HEATR1: variants seen among roughly 807,000 people sequenced by gnomAD.
HEATR1 encodes HEAT repeat-containing protein 1.
In HEATR1, 77 loss-of-function variants were observed where a neutral mutation model predicts 248.2. The ratio of observed to expected loss-of-function variants is 0.31; its 90% CI spans 0.26 to 0.37. The LOEUF (loss-of-function observed/expected upper bound fraction) is 0.37. Among genes scored for constraint, HEATR1 ranks in the 10% least tolerant of loss-of-function variants. The pLI is 1.00. For synonymous variants in HEATR1, 897 were observed against 923.1 expected, an observed-to-expected ratio of 0.97 and a Z score of 0.51; for missense variants, 2,420 against 2,504.9, an observed-to-expected ratio of 0.97 and a Z score of 0.72.
chr1:236,598,976 C>G (rs1229329691), intron 4 of HEATR1, among the ~76,000 whole-genome samples: 1 of 152,230 alleles, frequency 6.6e-6, no homozygotes, highest in African/African-American at 2.4e-5. Flanking sequence ...TTTTCTTAGT[C>G]TGTAAATTAA....
chr1:236,577,019 AC>A (rs1663580005), intron 20 of HEATR1, 70 bp from the exon 21 acceptor site: 12 of 1,182,774 alleles, frequency 1.0e-5, no homozygotes, highest in African/African-American at 3.1e-5. Flanking sequence ...TTTACATAGT[AC>A]CAAAGGTACT....
At chr1:236,552,486 T>A (rs1386915445) in intron 43 of HEATR1, 3 of 162,664 alleles carry the variant, frequency 1.8e-5, no homozygotes, top group Non-Finnish European at 2.7e-5. Context: ...ATAAAGTGCC[T>A]CCAGCCACCT....
chr1:236,582,577 AT>A (rs1241831557), intron 19 of HEATR1, among the ~76,000 whole-genome samples, 158 bp downstream of exon 19: 2 of 151,262 alleles, frequency 1.3e-5, no homozygotes, highest in Non-Finnish European at 2.9e-5. Flanking sequence ...TAATTTTTGT[AT>A]TTTTAGTAGA....
Position 236,594,087 on chromosome 1 carries a change from T to C in HEATR1, c.1118A>G (p.Gln373Arg). 6.2e-7 allele frequency: 1 copy of C among 1,601,538 alleles called. No homozygotes were observed. Residue 373 changes from glutamine to arginine, a missense_variant, in exon 9 of 45, where the codon CAA (glutamine) becomes CGA (arginine). Coordinates refer to ENST00000366582, the MANE Select transcript of HEATR1 (RefSeq NM_018072.6). ...TGEETEGMDG[Q>R]IYKRHLEAIL... Reference sequence around the variant, plus strand: ...AGCTTCTAAGTGTCTCTTGTAGATTTGACCATCCATTCCTTCAGTTTCTTC... The same window carrying C: ...AGCTTCTAAGTGTCTCTTGTAGATTCGACCATCCATTCCTTCAGTTTCTTC...
intron 16 of HEATR1, 101 bp from the exon 17 acceptor site, chr1:236,585,317 G>T: frequency 1.1e-6 from 1 of 923,172 alleles, no homozygotes; most frequent in Non-Finnish European, 1.6e-6. Flanking sequence ...TACATTTAAA[G>T]TGAGATGACA....
At chr1:236,560,160 A>C (rs1663089468) in intron 33 of HEATR1, among the ~76,000 whole-genome samples, 1 of 150,380 alleles carries the variant, frequency 6.6e-6, no homozygotes. Flanking sequence ...TGGGCTGTCC[A>C]AGTGGGGTGT....
chr1:236,583,645 C>T (rs970888573), intron 17 of HEATR1, among the ~76,000 whole-genome samples: 1 of 152,042 alleles, frequency 6.6e-6, no homozygotes, highest in Non-Finnish European at 1.5e-5. Flanking sequence ...CGCCATCATG[C>T]CTGGCTAATT....
intron 26 of HEATR1, 73 bp downstream of exon 26, chr1:236,572,338 A>G: frequency 2.1e-6 from 3 of 1,452,872 alleles, no homozygotes; most frequent in South Asian, 2.4e-5. Flanking sequence ...AGTATGTTGA[A>G]AAGAGAATGT....
intron 3 of HEATR1, among the ~76,000 whole-genome samples, chr1:236,600,140 T>A (rs1318408866): frequency 2.2e-5 from 3 of 134,636 alleles, no homozygotes; most frequent in Non-Finnish European, 4.7e-5. Context: ...TTTTTTTTTT[T>A]TTTTTTTGAG....
chr1:236,587,806 C>T (rs1663934729), intron 13 of HEATR1, 142 bp downstream of exon 13: 3 of 556,682 alleles, frequency 5.4e-6, no homozygotes, highest in South Asian at 6.1e-5. Flanking sequence ...CCTAACCAGA[C>T]TTAAGTCTGT....
Position 236,554,287 on chromosome 1 carries a change from G to A in HEATR1, c.6078+311C>T, listed in dbSNP as rs1662874381. Reference sequence around the variant, plus strand: ...GGCGCCTGTGATCCCAGCTATTCGGGAGGCTGAGGCACAAGAATTGCTTGA... The same window carrying A: ...GGCGCCTGTGATCCCAGCTATTCGGAAGGCTGAGGCACAAGAATTGCTTGA... On this transcript the variant is annotated intron_variant, in intron 42 of 44. Transcript: ENST00000366582. Among the ~76,000 whole-genome samples the A allele has an allele frequency of 2.6e-5, 4 of 152,244 alleles. No homozygotes were observed. The South Asian group carries it at 8.3e-4, about 32-fold the overall frequency.
rs1662594668 is a variant in HEATR1 at position 236,549,161 on chromosome 1, A to C, written c.*1741T>G. ...TCTGTTTTGTTCCCATGAAATCACC[A>C]ATCAAGGCCTCCGTTCTTCTAAAGA... On this transcript the variant is annotated 3_prime_UTR_variant, in exon 45 of 45. Transcript: ENST00000366582. The C allele has an allele frequency of 2.5e-6, 1 of 395,702 alleles. No individual in the cohort carries two copies. Among genetic ancestry groups the C allele is most frequent in the African/African-American group, 2.1e-5 (1 of 48,718 alleles). 24.5% of individuals were successfully genotyped at this position (395,702 alleles called of 1,614,324 possible). A position where few individuals can be genotyped will look rare whatever the true frequency, so the allele number is the denominator to read the frequency against.
chr1:236,553,219 T>C (rs191639994), intron 43 of HEATR1, among the ~76,000 whole-genome samples: 38 of 152,324 alleles, frequency 2.5e-4, no homozygotes, highest in Non-Finnish European at 4.3e-4. Flanking sequence ...TGTGGATAAA[T>C]TCAATGCATT....
Position 236,555,441 on chromosome 1 carries a change from T to C in HEATR1, c.5778A>G (p.Glu1926=). Residue 1926 remains glutamate (E), a synonymous_variant, in exon 41 of 45, where the codon GAA becomes GAG. Transcript: ENST00000366582. The part of the protein sequence containing the change: ...FFKLFDWAKT[E]DAPKDRLLTF... ...TCAACAACCTGTCCTTTGGGGCATCTTCTGTTTTAGCCCAATCAAACAGCT... is the reference window on the plus strand; with the variant it reads ...TCAACAACCTGTCCTTTGGGGCATCCTCTGTTTTAGCCCAATCAAACAGCT... The C allele has an allele frequency of 1.2e-6, 2 of 1,614,226 alleles. No individual in the cohort carries two copies. The highest frequency in any genetic ancestry group is 1.7e-6 in the Non-Finnish European group (2 of 1,180,032).
rs1221917413 is a variant in HEATR1, at chr1:236,549,840, T to A, written c.*1062A>T. ...CGTGGAGGAAAAAAATTTAAAAAGC[T>A]ATTAGTATTTATTAATGAATTTTAC... On this transcript the variant is annotated 3_prime_UTR_variant, in exon 45 of 45. Coordinates refer to ENST00000366582, the MANE Select transcript of HEATR1 (RefSeq NM_018072.6). The A allele has an allele frequency of 6.6e-6, 1 of 152,238 alleles. No homozygotes were observed. Among genetic ancestry groups the A allele is most frequent in the African/African-American group, 2.4e-5 (1 of 41,460 alleles). The allele number at this position is 152,238 out of a possible 1,614,324, so 9.4% of individuals were successfully genotyped here.
intron 17 of HEATR1, among the ~76,000 whole-genome samples, chr1:236,583,784 G>T (rs1205903698): frequency 6.6e-6 from 1 of 152,024 alleles, no homozygotes; most frequent in East Asian, 1.9e-4. Context: ...ACCGTGCCTG[G>T]CCAAAATAGG....
At position 236,570,477 on chromosome 1, in the gene HEATR1, C is replaced by T. The variant is rs143348910; in HGVS notation, c.3948+874G>A. ...GTGGTGGTGGTGGTGCTGGTGGTGA[C>T]GGTGGCAGCGGCAGGGAGGAGGGAG... On this transcript the variant is annotated intron_variant, in intron 28 of 44. Transcript: ENST00000366582. 2.9e-3 allele frequency among the ~76,000 whole-genome samples: 443 copies of T among 151,790 alleles called. 3 individuals carry two copies. The highest frequency in any genetic ancestry group is 5.7e-3 in the Admixed American group (87 of 15,248).
intron 43 of HEATR1, chr1:236,552,671 C>G (rs1662806220): frequency 6.6e-6 from 1 of 152,224 alleles, no homozygotes; most frequent in African/African-American, 2.4e-5. Flanking sequence ...CATGCCTTGT[C>G]TATAATAAGG....
intron 3 of HEATR1, among the ~76,000 whole-genome samples, chr1:236,600,113 TCAA>T (rs1418653693): frequency 1.9e-4 from 25 of 132,722 alleles, no homozygotes; most frequent in African/African-American, 6.9e-4. Context: ...GGCTGGTCTG[TCAA>T]CATTTTTTTT....
Sources: gnomAD v4.1 joint callset for allele counts (sites outside exome capture counted in the v4.1 genomes callset) on GRCh38, gnomAD v4.1.1 for gene constraint, MANE v1.5 for transcripts, NCBI Gene and HGNC (gene_info 2026-07-23, HGNC 2026-07-21) for gene names.